CNTNAP5: variants seen among roughly 807,000 people sequenced by gnomAD.
CNTNAP5 encodes contactin associated protein family member 5, also known as contactin-associated protein-like 5.
CNTNAP5 carries 72 observed loss-of-function variants against 150.2 expected under a neutral mutation model. That is an observed-to-expected ratio of 0.48 (90% CI 0.40 to 0.58). CNTNAP5 has a LOEUF of 0.58. Among genes scored for constraint, CNTNAP5 ranks in the 20% least tolerant of loss-of-function variants. CNTNAP5 has a pLI of 0.00. For synonymous variants in CNTNAP5, 672 were observed against 619.8 expected (o/e 1.08, Z -1.25); for missense variants, 1,636 against 1,626.2 (o/e 1.01, Z -0.10).
chr2:124,863,664 C>G (rs1237912108), intron 19 of CNTNAP5, among the ~76,000 whole-genome samples: 1 of 152,120 alleles, frequency 6.6e-6, no homozygotes, highest in Non-Finnish European at 1.5e-5. Context: ...GAAATGGTCT[C>G]TGCCCTCTCC....
intron 13 of CNTNAP5, among the ~76,000 whole-genome samples, chr2:124,729,881 T>C (rs1335791478): frequency 1.3e-5 from 2 of 152,142 alleles, no homozygotes; most frequent in Non-Finnish European, 2.9e-5. Context: ...AATTTGATTC[T>C]AGACTTCTAA....
chr2:124,098,765 G>C (rs939975052), intron 1 of CNTNAP5, among the ~76,000 whole-genome samples: 9 of 152,138 alleles, frequency 5.9e-5, no homozygotes, highest in African/African-American at 2.2e-4. Flanking sequence ...TAAGATGCCA[G>C]CTTGAGAAAT....
At chr2:124,404,741 T>C (rs1691526120) in intron 3 of CNTNAP5, among the ~76,000 whole-genome samples, 1 of 152,162 alleles carries the variant, frequency 6.6e-6, no homozygotes, top group Non-Finnish European at 1.5e-5. Context: ...AGGCCAAATA[T>C]GGTGGAGAGT....
In CNTNAP5 at chr2:124,189,478, C is replaced by T. The variant is rs79619983; in HGVS notation, c.83-32227C>T. ...GGAGAGGTTCCAGACTACTCTGAGC[C>T]TCAGTTGCCGCAACTTTGAATTGTG... On this transcript the variant is annotated intron_variant, in intron 1 of 23. Transcript: ENST00000682447. Among the ~76,000 whole-genome samples, 402 of 152,258 alleles carry T rather than the reference C, an allele frequency of 2.6e-3. 2 individuals carry two copies. Among genetic ancestry groups the T allele is most frequent in the Non-Finnish European group, 4.8e-3 (329 of 68,020 alleles).
At chr2:124,477,339 G>A (rs961152300) in intron 7 of CNTNAP5, among the ~76,000 whole-genome samples, 3 of 152,004 alleles carry the variant, frequency 2.0e-5, no homozygotes, top group Non-Finnish European at 2.9e-5. Flanking sequence ...GTGTTTTGAG[G>A]TATCATATTA....
intron 3 of CNTNAP5, among the ~76,000 whole-genome samples, chr2:124,394,581 A>G (rs1691199409): frequency 6.6e-6 from 1 of 152,162 alleles, no homozygotes; most frequent in Non-Finnish European, 1.5e-5. Flanking sequence ...AGGAGAAGTT[A>G]TATATTGAAC....
At chr2:124,599,260 T>C (rs1265344493) in intron 11 of CNTNAP5, among the ~76,000 whole-genome samples, 1 of 152,206 alleles carries the variant, frequency 6.6e-6, no homozygotes, top group Non-Finnish European at 1.5e-5. Flanking sequence ...TCCATATAGT[T>C]TCCCAATTAT....
chr2:124,339,700 C>T (rs1431357506), intron 3 of CNTNAP5, among the ~76,000 whole-genome samples: 2 of 152,076 alleles, frequency 1.3e-5, no homozygotes, highest in East Asian at 1.9e-4. Context: ...AATTGATGTG[C>T]GGGCAACCCA....
intron 13 of CNTNAP5, chr2:124,680,988 A>C (rs1192392612): frequency 6.6e-6 from 1 of 151,628 alleles, no homozygotes. Context: ...CTAATCCTTT[A>C]AAAGTTGAGA....
chr2:124,533,956 A>G (rs970167005), intron 10 of CNTNAP5, among the ~76,000 whole-genome samples: 1 of 152,146 alleles, frequency 6.6e-6, no homozygotes, highest in Non-Finnish European at 1.5e-5. Context: ...TGGTGCCTAT[A>G]TAATAGGAGT....
chr2:124,029,285 T>C (rs929998155), intron 1 of CNTNAP5, among the ~76,000 whole-genome samples: 2 of 152,092 alleles, frequency 1.3e-5, no homozygotes, highest in Non-Finnish European at 2.9e-5. Context: ...ACTCAATCAA[T>C]AGATAATATT....
rs759849199 is a variant in CNTNAP5, at chr2:124,683,989, C to A, written c.2077+36031C>A. On this transcript the variant is annotated intron_variant, in intron 13 of 23. Transcript: ENST00000682447. ...GCACAAGGCCTGGGGATGCTTCGAG[C>A]CAGATTGTGCTAAAGAATGTCATGT... Among the ~76,000 whole-genome samples, 5 of 152,202 alleles carry A rather than the reference C, an allele frequency of 3.3e-5. 1 individual carries two copies. The Middle Eastern group carries it at 0.01, about 311-fold the overall frequency.
At chr2:124,361,492 G>C (rs1195636146) in intron 3 of CNTNAP5, among the ~76,000 whole-genome samples, 1 of 145,616 alleles carries the variant, frequency 6.9e-6, no homozygotes, top group African/African-American at 2.6e-5. Context: ...TTTTCGGTGT[G>C]GATGTCCTTT....
intron 12 of CNTNAP5, among the ~76,000 whole-genome samples, chr2:124,620,815 A>G (rs891462969): frequency 6.6e-6 from 1 of 152,032 alleles, no homozygotes; most frequent in Non-Finnish European, 1.5e-5. Context: ...GTAGATGGTC[A>G]TTTAATATGC....
intron 2 of CNTNAP5, among the ~76,000 whole-genome samples, chr2:124,237,970 G>A (rs1686794729): frequency 6.6e-6 from 1 of 152,156 alleles, no homozygotes. Flanking sequence ...ATTAGAACTG[G>A]GTTGGAGTGC....
intron 3 of CNTNAP5, among the ~76,000 whole-genome samples, chr2:124,416,544 G>A (rs1044315886): frequency 6.6e-6 from 1 of 152,108 alleles, no homozygotes; most frequent in Non-Finnish European, 1.5e-5. Flanking sequence ...AATCTGAGTT[G>A]CATTGTCTCC....
At chr2:124,294,885 A>G (rs1353043176) in intron 3 of CNTNAP5, among the ~76,000 whole-genome samples, 2 of 152,140 alleles carry the variant, frequency 1.3e-5, no homozygotes, top group Non-Finnish European at 2.9e-5. Flanking sequence ...AGGCGGGCGG[A>G]TCACAAGGTC....
At chr2:124,406,454 G>A (rs1218377239) in intron 3 of CNTNAP5, among the ~76,000 whole-genome samples, 3 of 151,990 alleles carry the variant, frequency 2.0e-5, no homozygotes, top group Admixed American at 2.0e-4. Context: ...TACATGCCTT[G>A]CAAACATTAC....
At chr2:124,842,309 A>G (rs187228801) in intron 19 of CNTNAP5, among the ~76,000 whole-genome samples, 2 of 152,250 alleles carry the variant, frequency 1.3e-5, no homozygotes, top group Admixed American at 1.3e-4. Flanking sequence ...AGTTTTGTGG[A>G]GTGTACCTTT....
Sources: allele counts gnomAD v4.1 joint callset (sites outside exome capture counted in the v4.1 genomes callset), GRCh38; gene constraint gnomAD v4.1.1; transcripts MANE v1.5; gene names NCBI Gene and HGNC (gene_info 2026-07-23, HGNC 2026-07-21).